RPS6KC1: variants seen among roughly 807,000 people sequenced by gnomAD.
The protein encoded by RPS6KC1 is ribosomal protein S6 kinase C1.
Under a neutral mutation model 103.8 loss-of-function variants are expected in RPS6KC1, and 54 were observed. The ratio of observed to expected loss-of-function variants is 0.52; its 90% CI spans 0.42 to 0.65. The LOEUF (loss-of-function observed/expected upper bound fraction) is 0.65. Among genes scored for constraint, RPS6KC1 ranks in the 30% least tolerant of loss-of-function variants. RPS6KC1 has a pLI of 0.00. For synonymous variants in RPS6KC1, 439 were observed against 438.7 expected (o/e 1.00, Z -0.01); for missense variants, 1,151 against 1,253.8 (o/e 0.92, Z 1.24).
At chr1:213,350,822 C>T in the RPS6KC1 span, among the ~76,000 whole-genome samples, 78,747 of 151,722 alleles carry the variant, frequency 0.52, 21,225 homozygotes, top group East Asian at 0.61. Flanking sequence ...ATATGTATTA[C>T]AAAATTGGTA....
the RPS6KC1 span, among the ~76,000 whole-genome samples, chr1:213,491,920 G>A: frequency 6.6e-6 from 1 of 152,144 alleles, no homozygotes; most frequent in Admixed American, 6.5e-5. Context: ...GGTGTTAAAT[G>A]GAAACACTAT....
At chr1:213,629,269 G>C in the RPS6KC1 span, among the ~76,000 whole-genome samples, 1 of 151,976 alleles carries the variant, frequency 6.6e-6, no homozygotes, top group African/African-American at 2.4e-5. Flanking sequence ...GGGTGCTCCT[G>C]TATTGGGTGC....
chr1:213,343,233 AT>A, the RPS6KC1 span, among the ~76,000 whole-genome samples: 770 of 151,566 alleles, frequency 5.1e-3, 4 homozygotes, highest in African/African-American at 0.014. Flanking sequence ...AAAGAAAAAA[AT>A]ATAAGACACA....
chr1:213,214,516 T>G (rs530933773), intron 8 of RPS6KC1, among the ~76,000 whole-genome samples: 67 of 152,260 alleles, frequency 4.4e-4, no homozygotes, highest in African/African-American at 1.4e-3. Context: ...TCTGACAGCT[T>G]TGAAGAGAGT....
At position 213,274,241 on chromosome 1, in the gene RPS6KC1, C is replaced by T. The variant is rs958192087; in HGVS notation, c.*1607C>T. On this transcript the variant is annotated 3_prime_UTR_variant, in exon 15 of 15. Transcript: ENST00000366960. Reference sequence around the variant, plus strand: ...AGATTTCAACTCACTAGTCCCCTGGCCTCATAACAGGAACTTATGCAGGTG... The same window carrying T: ...AGATTTCAACTCACTAGTCCCCTGGTCTCATAACAGGAACTTATGCAGGTG... 1 of 152,136 alleles carries T rather than the reference C, an allele frequency of 6.6e-6. No individual in the cohort carries two copies. The highest frequency in any genetic ancestry group is 2.4e-5 in the African/African-American group (1 of 41,418). The allele number at this position is 152,136 out of a possible 1,614,324, so 9.4% of individuals were successfully genotyped here.
At chr1:213,394,342 C>T in the RPS6KC1 span, among the ~76,000 whole-genome samples, 8,056 of 152,116 alleles carry the variant, frequency 0.053, 717 homozygotes, top group African/African-American at 0.18. Flanking sequence ...AGTTTGAAAT[C>T]GGCCATGGCG....
intron 4 of RPS6KC1, among the ~76,000 whole-genome samples, chr1:213,104,810 CA>C (rs2082324251): frequency 6.7e-6 from 1 of 149,834 alleles, no homozygotes; most frequent in East Asian, 2.0e-4. Context: ...TGGCCATTGA[CA>C]GGTGTGATCA....
the RPS6KC1 span, among the ~76,000 whole-genome samples, chr1:213,557,491 C>T: frequency 6.6e-6 from 1 of 152,066 alleles, no homozygotes; most frequent in African/African-American, 2.4e-5. Flanking sequence ...CAGGATGGGA[C>T]CCTGGGATTA....
chr1:213,852,132 C>A, the RPS6KC1 span, among the ~76,000 whole-genome samples: 1 of 151,834 alleles, frequency 6.6e-6, no homozygotes, highest in Non-Finnish European at 1.5e-5. Flanking sequence ...TCAACGGAGA[C>A]CTTCTTTAAA....
chr1:213,728,948 G>GTTTTTTTTT, the RPS6KC1 span, among the ~76,000 whole-genome samples: 39 of 91,284 alleles, frequency 4.3e-4, 3 homozygotes, highest in Admixed American at 5.1e-4. Flanking sequence ...TTTTTTTTTT[G>GTTTTTTTTT]TTTTTTTTTT....
chr1:213,519,403 A>G, the RPS6KC1 span, among the ~76,000 whole-genome samples: 1 of 152,218 alleles, frequency 6.6e-6, no homozygotes, highest in African/African-American at 2.4e-5. Context: ...GCAGAAAAGA[A>G]AGAGGTTTTT....
At chr1:213,593,064 C>CAG in the RPS6KC1 span, among the ~76,000 whole-genome samples, 5,952 of 151,338 alleles carry the variant, frequency 0.039, 312 homozygotes, top group East Asian at 0.28. Context: ...GCATTACAAA[C>CAG]AGTGTTCAGC....
the RPS6KC1 span, among the ~76,000 whole-genome samples, chr1:213,340,113 C>G: frequency 1.3e-5 from 2 of 152,080 alleles, no homozygotes; most frequent in African/African-American, 4.8e-5. Flanking sequence ...GAACTCATAA[C>G]TTCATGATCC....
In RPS6KC1 at chr1:213,077,847, A is replaced by G. The variant is rs1294562593; in HGVS notation, c.262+31A>G. ...TGATTATTTTGAAATTGTAATTTAA[A>G]AAAATAATTAATTTTGTATATATAC... On this transcript the variant is annotated intron_variant, in intron 3 of 14. Coordinates refer to ENST00000366960, the MANE Select transcript of RPS6KC1 (RefSeq NM_012424.6). 2.2e-6 allele frequency: 3 copies of G among 1,336,808 alleles called. No homozygotes were observed. In the African/African-American group the frequency reaches 4.5e-5, roughly 20 times the overall value. 82.8% of individuals were successfully genotyped at this position (1,336,808 alleles called of 1,614,324 possible).
In RPS6KC1 at chr1:213,238,822, A is replaced by G. The variant is rs1454335617; in HGVS notation, c.1226-1880A>G. Among the ~76,000 whole-genome samples, 4 of 152,214 alleles carry G rather than the reference A, an allele frequency of 2.6e-5. 1 individual carries two copies. The highest frequency in any genetic ancestry group is 2.6e-4 in the Admixed American group (4 of 15,274). Reference sequence around the variant, plus strand: ...GTCCTGCACATTGTGTAGGCAGTAGACATACAAAGATGAAAAAGACTTGAT... The same window carrying G: ...GTCCTGCACATTGTGTAGGCAGTAGGCATACAAAGATGAAAAAGACTTGAT... On this transcript the variant is annotated intron_variant, in intron 10 of 14. Transcript: ENST00000366960.
chr1:213,546,279 A>G, the RPS6KC1 span: 3 of 152,228 alleles, frequency 2.0e-5, no homozygotes, highest in Non-Finnish European at 2.9e-5. Flanking sequence ...TTTCCTTTCC[A>G]TAGGCACAAA....
chr1:213,657,601 A>G, the RPS6KC1 span, among the ~76,000 whole-genome samples: 2 of 152,230 alleles, frequency 1.3e-5, no homozygotes, highest in Non-Finnish European at 2.9e-5. Flanking sequence ...AGAAATTAAG[A>G]CTTGGGAAAT....
chr1:213,268,795 ATATAT>A (rs904186670), intron 14 of RPS6KC1, among the ~76,000 whole-genome samples: 1 of 151,782 alleles, frequency 6.6e-6, no homozygotes, highest in Admixed American at 6.6e-5. Flanking sequence ...AAGATAAGTG[ATATAT>A]TAAGTGATAA....
At chr1:213,547,542 T>A in the RPS6KC1 span, among the ~76,000 whole-genome samples, 1 of 152,232 alleles carries the variant, frequency 6.6e-6, no homozygotes, top group Admixed American at 6.5e-5. Flanking sequence ...GTTTGGATAT[T>A]TGTCCCTTCC....
Sources: gnomAD v4.1 joint callset for allele counts (sites outside exome capture counted in the v4.1 genomes callset) on GRCh38, gnomAD v4.1.1 for gene constraint, MANE v1.5 for transcripts, NCBI Gene and HGNC (gene_info 2026-07-23, HGNC 2026-07-21) for gene names.